The following GALNTL6 variants were observed in gnomAD, a reference collection of about 807,000 sequenced individuals.
GALNTL6 encodes polypeptide N-acetylgalactosaminyltransferase-like 6.
In GALNTL6, 46 loss-of-function variants were observed where a neutral mutation model predicts 73.7. The observed-to-expected ratio is 0.62, with a 90% CI of 0.49 to 0.80. The LOEUF is 0.80. Ranked by LOEUF, GALNTL6 falls within the 30% of genes least tolerant of loss-of-function variation. The pLI is 0.00. For missense variants in GALNTL6, 604 were observed against 755.0 expected, an observed-to-expected ratio of 0.80 and a Z score of 2.34; for synonymous variants, 259 against 263.7, an observed-to-expected ratio of 0.98 and a Z score of 0.17.
chr4:172,522,692 A>G (rs1402091296), intron 5 of GALNTL6, among the ~76,000 whole-genome samples: 1 of 126,072 alleles, frequency 7.9e-6, no homozygotes, highest in Non-Finnish European at 1.6e-5. Flanking sequence ...AAAAAAGTGT[A>G]TTTTACTGTA....
chr4:172,040,777 T>C (rs1742066451), intron 2 of GALNTL6, among the ~76,000 whole-genome samples: 1 of 152,102 alleles, frequency 6.6e-6, no homozygotes, highest in Non-Finnish European at 1.5e-5. Flanking sequence ...ATTCCCATTG[T>C]TTCTTTGCAT....
At chr4:172,078,372 G>A (rs866247057) in intron 2 of GALNTL6, among the ~76,000 whole-genome samples, 6 of 152,122 alleles carry the variant, frequency 3.9e-5, no homozygotes, top group African/African-American at 1.2e-4. Context: ...ATGATTGTAA[G>A]TTTCGTGAGG....
chr4:171,964,009 A>G (rs1172219319), intron 2 of GALNTL6, among the ~76,000 whole-genome samples: 1 of 152,202 alleles, frequency 6.6e-6, no homozygotes, highest in African/African-American at 2.4e-5. Context: ...TGCCCATTAT[A>G]TTATAAAAGA....
In GALNTL6 at chr4:171,915,734, G is replaced by C. The variant is rs189303065; in HGVS notation, c.138+101016G>C. ...TTTTGCTAGTTTAGTGTCAAAAAAAGTAACAAGTAAATTATTTTTTCACAG... is the reference window on the plus strand; with the variant it reads ...TTTTGCTAGTTTAGTGTCAAAAAAACTAACAAGTAAATTATTTTTTCACAG... On this transcript the variant is annotated intron_variant, in intron 2 of 12. Transcript: ENST00000506823. Among the ~76,000 whole-genome samples, 4 of 152,202 alleles carry C rather than the reference G, an allele frequency of 2.6e-5. No individual in the cohort carries two copies. The East Asian group carries it at 7.7e-4, about 29-fold the overall frequency.
At chr4:172,664,601 A>G (rs1406602139) in intron 5 of GALNTL6, among the ~76,000 whole-genome samples, 3 of 152,210 alleles carry the variant, frequency 2.0e-5, no homozygotes, top group Non-Finnish European at 2.9e-5. Context: ...ATCTGAGTCA[A>G]AGATTTTAAC....
At chr4:172,018,155 G>A (rs1009268191) in intron 2 of GALNTL6, among the ~76,000 whole-genome samples, 1 of 152,062 alleles carries the variant, frequency 6.6e-6, no homozygotes, top group Non-Finnish European at 1.5e-5. Flanking sequence ...CTCCATAAAG[G>A]AGGTGGTCCT....
chr4:171,837,273 T>A (rs1683501036), intron 2 of GALNTL6, among the ~76,000 whole-genome samples: 1 of 151,880 alleles, frequency 6.6e-6, no homozygotes, highest in South Asian at 2.1e-4. Flanking sequence ...ATCAGGAAAA[T>A]CAGGAAAAAT....
intron 3 of GALNTL6, among the ~76,000 whole-genome samples, chr4:172,246,317 A>G (rs1191514982): frequency 1.3e-5 from 2 of 152,168 alleles, no homozygotes; most frequent in Admixed American, 6.5e-5. Flanking sequence ...TAGCAATCTA[A>G]TAGTATTTGG....
At chr4:172,410,956 A>G (rs1744412668) in intron 5 of GALNTL6, among the ~76,000 whole-genome samples, 1 of 152,176 alleles carries the variant, frequency 6.6e-6, no homozygotes, top group South Asian at 2.1e-4. Context: ...TAAATGCAAG[A>G]GTAGCTTTTC....
chr4:172,018,557 G>C (rs1298431818), intron 2 of GALNTL6, among the ~76,000 whole-genome samples: 1 of 152,058 alleles, frequency 6.6e-6, no homozygotes, highest in East Asian at 1.9e-4. Flanking sequence ...TGCTCCCTCA[G>C]TATCCTATTA....
At chr4:172,190,566 G>A (rs574067407) in intron 2 of GALNTL6, among the ~76,000 whole-genome samples, 1 of 152,232 alleles carries the variant, frequency 6.6e-6, no homozygotes, top group East Asian at 1.9e-4. Context: ...AGAGACCAAT[G>A]GCAGAAGTAA....
At chr4:171,874,750 G>T (rs1367723268) in intron 2 of GALNTL6, among the ~76,000 whole-genome samples, 1 of 152,112 alleles carries the variant, frequency 6.6e-6, no homozygotes, top group Non-Finnish European at 1.5e-5. Context: ...ACCAACCCAA[G>T]AATCTATTTT....
At chr4:172,172,476 C>T (rs1579211114) in intron 2 of GALNTL6, among the ~76,000 whole-genome samples, 1 of 152,196 alleles carries the variant, frequency 6.6e-6, no homozygotes, top group South Asian at 2.1e-4. Flanking sequence ...GGATTATAGG[C>T]GTGAGCCACA....
At chr4:172,057,938 C>T (rs1435422446) in intron 2 of GALNTL6, among the ~76,000 whole-genome samples, 1 of 151,356 alleles carries the variant, frequency 6.6e-6, no homozygotes, top group East Asian at 1.9e-4. Context: ...TCCATTTTTC[C>T]GCACATGTTT....
intron 2 of GALNTL6, among the ~76,000 whole-genome samples, chr4:172,078,937 T>C (rs1195567142): frequency 1.3e-5 from 2 of 152,176 alleles, no homozygotes; most frequent in Non-Finnish European, 2.9e-5. Flanking sequence ...AATTCATTTA[T>C]CATAATAAGG....
rs901672614 is a variant in GALNTL6 at position 171,814,968 on chromosome 4, T to C, written c.138+250T>C. The C allele has an allele frequency of 3.7e-5, 21 of 560,530 alleles. 1 individual carries two copies. Among genetic ancestry groups the C allele is most frequent in the Non-Finnish European group, 6.3e-5 (20 of 317,486 alleles). The allele number at this position is 560,530 out of a possible 1,614,324, so 34.7% of individuals were successfully genotyped here. ...GTCAAGAAGAAGAGAAGATAATCTT[T>C]CACCATTGGTCTTAGGTTGATTTTG... On this transcript the variant is annotated intron_variant, in intron 2 of 12. Coordinates refer to ENST00000506823, the MANE Select transcript of GALNTL6 (RefSeq NM_001034845.3).
chr4:172,168,305 A>G (rs1390462635), intron 2 of GALNTL6, among the ~76,000 whole-genome samples: 1 of 152,074 alleles, frequency 6.6e-6, no homozygotes, highest in Non-Finnish European at 1.5e-5. Flanking sequence ...TTTTTTGAGA[A>G]GGAGTCTTGC....
chr4:172,701,218 A>G (rs963971108), intron 5 of GALNTL6, among the ~76,000 whole-genome samples: 1 of 152,106 alleles, frequency 6.6e-6, no homozygotes, highest in African/African-American at 2.4e-5. Flanking sequence ...GTTTTACGTC[A>G]TTAGAACATA....
Position 172,809,708 on chromosome 4 carries a change from G to T in GALNTL6, c.739+162G>T, listed in dbSNP as rs1273552189. On this transcript the variant is annotated intron_variant, in intron 6 of 12. Transcript: ENST00000506823. This position sits in a 1 kb window ranked among gnomAD's most constrained non-coding sequence, Gnocchi z 4.4. Reference sequence around the variant, plus strand: ...ACCACTGCTGAAAACAGTTTACTAGGTAACTGTTTTAGGCAGTATTCTAGG... The same window carrying T: ...ACCACTGCTGAAAACAGTTTACTAGTTAACTGTTTTAGGCAGTATTCTAGG... Among the ~76,000 whole-genome samples the T allele has an allele frequency of 6.6e-6, 1 of 152,098 alleles. No homozygotes were observed. The highest frequency in any genetic ancestry group is 1.5e-5 in the Non-Finnish European group (1 of 68,018).
Sources: allele counts gnomAD v4.1 joint callset (sites outside exome capture counted in the v4.1 genomes callset), GRCh38; gene constraint gnomAD v4.1.1; non-coding constraint Gnocchi (gnomAD v3.1); transcripts MANE v1.5; gene names NCBI Gene and HGNC (gene_info 2026-07-23, HGNC 2026-07-21).